Variants in TNKS observed in about 807,000 individuals in gnomAD.
TNKS encodes the protein tankyrase.
In TNKS, 72 loss-of-function variants were observed where a neutral mutation model predicts 135.8. The ratio of observed to expected loss-of-function variants is 0.53; its 90% CI spans 0.44 to 0.64. The LOEUF (loss-of-function observed/expected upper bound fraction) is 0.64, where lower values mean the gene tolerates loss of function less well. TNKS is among the 30% of genes least tolerant of loss of function. The pLI is 0.00. For missense variants in TNKS, 1,769 were observed against 1,674.0 expected (o/e 1.06, Z -0.99); for synonymous variants, 849 against 649.3 (o/e 1.31, Z -4.68).
chr8:9,769,380 G>C (rs1807664014), intron 25 of TNKS, among the ~76,000 whole-genome samples: 1 of 152,056 alleles, frequency 6.6e-6, no homozygotes, highest in Non-Finnish European at 1.5e-5. Context: ...ATGATTTTCA[G>C]CCATACATTT....
rs1242498384 is a variant in TNKS at position 9,644,718 on chromosome 8, TAA to T, written c.994+29043_994+29044del. ...CTTTGTGCGTTGTTCCTTTAGCAAT[TAA>T]ATATGAAATTATATACAGACAGTCC... is the stretch of plus-strand genomic sequence containing the variant. On this transcript the variant is annotated intron_variant, in intron 3 of 26. Coordinates refer to ENST00000310430, the MANE Select transcript of TNKS (RefSeq NM_003747.3). Among the ~76,000 whole-genome samples the T allele has an allele frequency of 2.6e-5, 4 of 152,188 alleles. No homozygotes were observed. The East Asian group carries it at 7.7e-4, about 29-fold the overall frequency.
chr8:9,761,732 C>A, intron 21 of TNKS, 96 bp downstream of exon 21: 1 of 1,283,186 alleles, frequency 7.8e-7, no homozygotes, highest in Non-Finnish European at 1.1e-6. Context: ...AGTCCCAGAA[C>A]CATACACTGA....
chr8:9,706,304 TAC>T, intron 7 of TNKS, 51 bp downstream of exon 7: 1 of 1,319,940 alleles, frequency 7.6e-7, no homozygotes, highest in Non-Finnish European at 1.0e-6. Context: ...TTTTTTTCTT[TAC>T]CTTGTCATGA....
At chr8:9,772,845 G>GCGTA (rs1808008179) in intron 26 of TNKS, among the ~76,000 whole-genome samples, 2 of 139,116 alleles carry the variant, frequency 1.4e-5, no homozygotes, top group South Asian at 4.7e-4. Flanking sequence ...GTGTGTGTGT[G>GCGTA]TGTGTGTGTG....
chr8:9,649,768 C>G (rs1248907936), intron 3 of TNKS, among the ~76,000 whole-genome samples: 2 of 152,006 alleles, frequency 1.3e-5, no homozygotes, highest in South Asian at 2.1e-4. Flanking sequence ...ATAATGGTCT[C>G]CAGTTCCATC....
chr8:9,761,552 G>T lies in TNKS; in HGVS notation c.3190G>T (p.Glu1064Ter). The change falls in exon 21 of 27, where the codon GAG becomes TAG. Residue 1064 changes from glutamate to a stop codon, truncating the protein, a stop_gained. Coordinates refer to ENST00000310430, the MANE Select transcript of TNKS (RefSeq NM_003747.3). LOFTEE classifies it high-confidence loss of function. The part of the protein sequence containing the change: ...LDVLADMGHE[E>*]LKEIGINAYG... ...TGTGTTGGCTGATATGGGTCATGAA[G>T]AGTTGAAAGAAATAGGCATCAATGC... 1.2e-6 allele frequency: 2 copies of T among 1,611,960 alleles called. No homozygotes were observed. The highest frequency in any genetic ancestry group is 4.5e-5 in the East Asian group (2 of 44,834).
At chr8:9,572,391 A>G (rs534171962) in intron 1 of TNKS, among the ~76,000 whole-genome samples, 1 of 152,222 alleles carries the variant, frequency 6.6e-6, no homozygotes, top group Admixed American at 6.5e-5. Flanking sequence ...GCTGTTTGGC[A>G]CTCCATGAAT....
At chr8:9,719,440 C>T (rs1804760660) in intron 11 of TNKS, among the ~76,000 whole-genome samples, 1 of 152,080 alleles carries the variant, frequency 6.6e-6, no homozygotes, top group Non-Finnish European at 1.5e-5. Context: ...TTCTCAATAA[C>T]CTTAGTTTAA....
intron 21 of TNKS, 59 bp from the exon 22 acceptor site, chr8:9,763,088 A>AAAAT (rs1807235102): frequency 1.5e-6 from 1 of 649,446 alleles, no homozygotes; most frequent in Non-Finnish European, 2.3e-6. Context: ...TTTTTTTTAT[A>AAAAT]AAATAGAGCC....
At chr8:9,592,936 C>T (rs970222710) in intron 2 of TNKS, among the ~76,000 whole-genome samples, 1 of 152,148 alleles carries the variant, frequency 6.6e-6, no homozygotes, top group African/African-American at 2.4e-5. Context: ...TTTAGATTAT[C>T]TTCCATTTGT....
intron 14 of TNKS, among the ~76,000 whole-genome samples, chr8:9,731,265 G>C (rs1365541442): frequency 6.6e-6 from 1 of 152,070 alleles, no homozygotes; most frequent in Non-Finnish European, 1.5e-5. Context: ...TTTGAGACCA[G>C]CCTGACCAAC....
rs952819863 is a variant in TNKS at position 9,612,033 on chromosome 8, A to G, written c.899-3549A>G. On this transcript the variant is annotated intron_variant, in intron 2 of 26. Coordinates refer to ENST00000310430, the MANE Select transcript of TNKS (RefSeq NM_003747.3). ...ATCGTAATGCTTCAGGTCTTTGGCT[A>G]TAACTTTAAAAGCATTATCAGAGAT... Among the ~76,000 whole-genome samples, 4 of 152,154 alleles carry G rather than the reference A, an allele frequency of 2.6e-5. 1 individual carries two copies. The highest frequency in any genetic ancestry group is 9.7e-5 in the African/African-American group (4 of 41,426).
chr8:9,609,274 C>G (rs1017807039), intron 2 of TNKS, among the ~76,000 whole-genome samples: 2 of 152,288 alleles, frequency 1.3e-5, no homozygotes, highest in African/African-American at 2.4e-5. Flanking sequence ...TGGCTGTGCA[C>G]TGGACATTTT....
intron 4 of TNKS, 98 bp from the exon 5 acceptor site, chr8:9,680,627 A>T (rs888510891): frequency 2.1e-4 from 164 of 773,980 alleles, no homozygotes; most frequent in East Asian, 1.1e-3. Flanking sequence ...AAGAAATCAA[A>T]GCAAACCCAT....
At position 9,556,254 on chromosome 8, in the gene TNKS, C is replaced by T. The variant is rs747364744; in HGVS notation, c.315C>T (p.Val105=). 6.2e-7 allele frequency: 1 copy of T among 1,614,130 alleles called. No homozygotes were observed. Among genetic ancestry groups the T allele is most frequent in the Non-Finnish European group, 8.5e-7 (1 of 1,180,054 alleles). ...GTACCGTCGCCGCCGCTCCCGTGGT[C>T]CCAGCGGTTTCTACTTCATCTGCCG... ...TICTVAAAPV[V]PAVSTSSAAG... Residue 105 remains valine (V), a synonymous_variant, in exon 1 of 27, where the codon GTC becomes GTT. Transcript: ENST00000310430.
At chr8:9,576,934 AAC>A (rs1797972352) in intron 1 of TNKS, among the ~76,000 whole-genome samples, 2 of 152,198 alleles carry the variant, frequency 1.3e-5, no homozygotes, top group Non-Finnish European at 2.9e-5. Flanking sequence ...GTGTTTAAAA[AAC>A]ACACATTGAA....
Position 9,730,903 on chromosome 8 carries a change from C to G in TNKS, c.2015C>G (p.Ser672Cys). 6.2e-7 allele frequency: 1 copy of G among 1,613,048 alleles called. No homozygotes were observed. Among genetic ancestry groups the G allele is most frequent in the Non-Finnish European group, 8.5e-7 (1 of 1,179,604 alleles). Residue 672 changes from serine (S) to cysteine (C), a missense_variant, in exon 14 of 27, where the codon TCT becomes TGT. By Grantham distance (112) the Ser-to-Cys change is moderately radical (BLOSUM62 -1). Transcript: ENST00000310430. The stretch of plus-strand genomic sequence containing the variant: ...GCACCACGAAAGCAACTTTGCAGCT[C>G]TCAAAATGTGAATTGTAGAGACTTA... Reference protein sequence around the residue: ...DLETVKQLCSSQNVNCRDLEG... With the variant: ...DLETVKQLCSCQNVNCRDLEG...
At chr8:9,561,004 T>G (rs1389523057) in intron 1 of TNKS, among the ~76,000 whole-genome samples, 1 of 152,174 alleles carries the variant, frequency 6.6e-6, no homozygotes, top group East Asian at 1.9e-4. Context: ...TTATTGCTAA[T>G]AGCAAAAAAT....
Position 9,576,539 on chromosome 8 carries a change from C to T in TNKS, c.674-3620C>T, listed in dbSNP as rs149237964. ...AGGCTGGAGTGCAGTGGGGCGATCT[C>T]GGCTCACTGCAAGCTCCACCTCCCT... On this transcript the variant is annotated intron_variant, in intron 1 of 26. Coordinates refer to ENST00000310430, the MANE Select transcript of TNKS (RefSeq NM_003747.3). Among the ~76,000 whole-genome samples, 57 of 148,384 alleles carry T rather than the reference C, an allele frequency of 3.8e-4. 1 individual carries two copies. The East Asian group carries it at 0.011, about 29-fold the overall frequency.
Sources: gnomAD v4.1 joint callset for allele counts (sites outside exome capture counted in the v4.1 genomes callset) on GRCh38, gnomAD v4.1.1 for gene constraint, MANE v1.5 for transcripts, NCBI Gene and HGNC (gene_info 2026-07-23, HGNC 2026-07-21) for gene names.